The following STXBP4 variants were observed in gnomAD, a reference collection of about 807,000 sequenced individuals.
STXBP4 encodes the protein syntaxin-binding protein 4.
STXBP4 carries 55 observed loss-of-function variants against 76.1 expected under a neutral mutation model. The observed-to-expected ratio is 0.72, with a 90% confidence interval of 0.58 to 0.91. The LOEUF is 0.91. Among genes scored for constraint, STXBP4 ranks in the 40% least tolerant of loss-of-function variants. STXBP4 has a pLI of 0.00. For synonymous variants in STXBP4, 201 were observed against 220.2 expected, an observed-to-expected ratio of 0.91 and a Z score of 0.77; for missense variants, 618 against 636.9, an observed-to-expected ratio of 0.97 and a Z score of 0.32.
intron 12 of STXBP4, among the ~76,000 whole-genome samples, chr17:55,057,985 T>C (rs2078950953): frequency 6.6e-6 from 1 of 152,184 alleles, no homozygotes; most frequent in South Asian, 2.1e-4. Flanking sequence ...TCCAAGTCTT[T>C]GCCATTGTGA....
In STXBP4 at chr17:55,043,088, C is replaced by CT. The variant is rs375278481; in HGVS notation, c.856-145dup. Reference sequence around the variant, plus strand: ...AATTGCTTTAATACTTTAATATCCCCTTTATCTAATCAAATGACTCCAACA... The same window carrying CT: ...AATTGCTTTAATACTTTAATATCCCCTTTTATCTAATCAAATGACTCCAACA... On this transcript the variant is annotated intron_variant, in intron 10 of 17. Transcript: ENST00000376352. 1.8e-4 allele frequency: 71 copies of CT among 397,104 alleles called. 1 individual carries two copies. The Middle Eastern group carries it at 3.2e-3, about 18-fold the overall frequency. 24.6% of individuals were successfully genotyped at this position (397,104 alleles called of 1,614,324 possible).
chr17:55,045,699 C>T (rs1167870775), intron 11 of STXBP4, among the ~76,000 whole-genome samples: 1 of 152,040 alleles, frequency 6.6e-6, no homozygotes, highest in Non-Finnish European at 1.5e-5. Context: ...GATAAGCCGG[C>T]AACCAGCTAG....
chr17:55,179,364 TC>T, the STXBP4 span, among the ~76,000 whole-genome samples: 1 of 152,082 alleles, frequency 6.6e-6, no homozygotes, highest in African/African-American at 2.4e-5. Flanking sequence ...TGCCAACCCT[TC>T]AGACTAGACC....
At chr17:55,200,886 A>G in the STXBP4 span, among the ~76,000 whole-genome samples, 1 of 152,236 alleles carries the variant, frequency 6.6e-6, no homozygotes, top group Non-Finnish European at 1.5e-5. Context: ...AACAAAGACA[A>G]TGGAAGAGGT....
At chr17:55,117,187 ATCTATTG>A (rs1255704573) in intron 16 of STXBP4, among the ~76,000 whole-genome samples, 1 of 151,776 alleles carries the variant, frequency 6.6e-6, no homozygotes, top group Non-Finnish European at 1.5e-5. Flanking sequence ...AATTTTTTTA[ATCTATTG>A]TCTCTTAGAA....
intron 16 of STXBP4, among the ~76,000 whole-genome samples, chr17:55,136,926 A>G (rs2080035043): frequency 6.6e-6 from 1 of 152,152 alleles, no homozygotes; most frequent in Admixed American, 6.6e-5. Context: ...AGCAATGAAG[A>G]AAGGGCTGTT....
chr17:55,074,745 G>T (rs931591263), intron 13 of STXBP4, among the ~76,000 whole-genome samples: 1 of 151,688 alleles, frequency 6.6e-6, no homozygotes. Context: ...TCATAATCGG[G>T]TTCTCATGCC....
chr17:55,070,616 T>A (rs759859590), intron 12 of STXBP4, among the ~76,000 whole-genome samples: 1 of 152,148 alleles, frequency 6.6e-6, no homozygotes. Context: ...TTTTCTCATA[T>A]CATTTTCTGC....
chr17:55,069,801 A>G (rs2079099881), intron 12 of STXBP4, among the ~76,000 whole-genome samples: 1 of 152,204 alleles, frequency 6.6e-6, no homozygotes, highest in African/African-American at 2.4e-5. Flanking sequence ...TTAATTAACT[A>G]GCATTCTTTG....
intron 4 of STXBP4, among the ~76,000 whole-genome samples, chr17:54,994,669 C>A (rs752027742): frequency 6.6e-6 from 1 of 152,176 alleles, no homozygotes; most frequent in Non-Finnish European, 1.5e-5. Context: ...CTATTTCCCT[C>A]CCAACCTACA....
At chr17:55,132,772 G>A in intron 16 of STXBP4, among the ~76,000 whole-genome samples, 1 of 152,130 alleles carries the variant, frequency 6.6e-6, no homozygotes, top group Non-Finnish European at 1.5e-5. Context: ...GAGAAGAAGG[G>A]AGCTGGCTCT....
At chr17:55,201,901 T>C in the STXBP4 span, among the ~76,000 whole-genome samples, 1 of 152,240 alleles carries the variant, frequency 6.6e-6, no homozygotes, top group Admixed American at 6.5e-5. Flanking sequence ...ACATACTTCA[T>C]AATGTTAAGA....
rs71771491 is a variant in STXBP4 at position 55,052,941 on chromosome 17, G to GTT, written c.1011+5788_1011+5789insTT. Reference sequence around the variant, plus strand: ...CGTGTGTGTGTGTGTGTGTGTGTGTGTGTGTGTGTGGGTTGTATTCTTTAG... The same window carrying GTT: ...CGTGTGTGTGTGTGTGTGTGTGTGTGTTTGTGTGTGTGGGTTGTATTCTTTAG... On this transcript the variant is annotated intron_variant, in intron 12 of 17. Transcript: ENST00000376352. Among the ~76,000 whole-genome samples, 622 of 143,324 alleles carry GTT rather than the reference G, an allele frequency of 4.3e-3. 8 individuals carry two copies. The highest frequency in any genetic ancestry group is 0.011 in the Middle Eastern group (3 of 272). 94.0% of individuals were successfully genotyped at this position (143,324 alleles called of 152,430 possible).
Position 54,999,790 on chromosome 17 carries a change from C to T in STXBP4, c.446C>T (p.Pro149Leu), listed in dbSNP as rs760404284. Residue 149 changes from proline (P) to leucine (L), a missense_variant, in exon 6 of 18, where the codon CCA (proline) becomes CTA (leucine). Physicochemically the swap from Pro to Leu is moderately conservative, Grantham distance 98. Transcript: ENST00000376352. The part of the protein sequence containing the change: ...LFSSPPEILI[P>L]KTSSTPKTNN... Reference sequence around the variant, plus strand: ...TCTTCTCCTCCTGAAATACTAATCCCAAAGACCTCATCCACTCCCAAAACA... The same window carrying T: ...TCTTCTCCTCCTGAAATACTAATCCTAAAGACCTCATCCACTCCCAAAACA... 17 of 1,613,538 alleles carry T rather than the reference C, an allele frequency of 1.1e-5. No individual in the cohort carries two copies. The highest frequency in any genetic ancestry group is 1.4e-5 in the Non-Finnish European group (16 of 1,179,698).
chr17:55,116,540 A>G (rs1368761433), intron 16 of STXBP4, among the ~76,000 whole-genome samples: 1 of 151,808 alleles, frequency 6.6e-6, no homozygotes, highest in Non-Finnish European at 1.5e-5. Flanking sequence ...CAGAAGCACA[A>G]ATTTTAGTAT....
chr17:55,211,799 GTTTTT>G, the STXBP4 span, among the ~76,000 whole-genome samples: 4 of 49,004 alleles, frequency 8.2e-5, no homozygotes, highest in African/African-American at 6.1e-5. Flanking sequence ...GTTTTTTGTT[GTTTTT>G]TTTTTTTTTT....
chr17:55,129,818 A>C (rs1210194261), intron 16 of STXBP4, among the ~76,000 whole-genome samples: 1 of 152,180 alleles, frequency 6.6e-6, no homozygotes, highest in African/African-American at 2.4e-5. Context: ...GTGTACACAC[A>C]CCTTCTGTCA....
At chr17:55,190,600 A>G in the STXBP4 span, among the ~76,000 whole-genome samples, 1 of 152,196 alleles carries the variant, frequency 6.6e-6, no homozygotes, top group Non-Finnish European at 1.5e-5. Context: ...CATAGATGCC[A>G]AATAATATCA....
At chr17:55,146,694 G>C (rs2080159187) in intron 17 of STXBP4, among the ~76,000 whole-genome samples, 1 of 151,400 alleles carries the variant, frequency 6.6e-6, no homozygotes, top group Admixed American at 6.6e-5. Context: ...TCCAGCCTGG[G>C]CCACAGAGCG....
Sources: gnomAD v4.1 joint callset for allele counts (sites outside exome capture counted in the v4.1 genomes callset) on GRCh38, gnomAD v4.1.1 for gene constraint, MANE v1.5 for transcripts, NCBI Gene and HGNC (gene_info 2026-07-23, HGNC 2026-07-21) for gene names.